The following WASHC3 variants were observed in gnomAD, a reference collection of about 807,000 sequenced individuals.
The protein encoded by WASHC3 is WASH complex subunit 3.
A neutral mutation model predicts 26.1 loss-of-function variants in WASHC3; 24 were observed. The observed-to-expected ratio is 0.92, with a 90% CI of 0.66 to 1.29. WASHC3 has a LOEUF of 1.29. Among genes scored for constraint, WASHC3 ranks in the 50% most tolerant of loss-of-function variants. The pLI is 0.00. For synonymous variants in WASHC3, 77 were observed against 75.7 expected, an observed-to-expected ratio of 1.02 and a Z score of -0.09; for missense variants, 214 against 229.6, an observed-to-expected ratio of 0.93 and a Z score of 0.44.
At chr12:102,043,402 G>A (rs1341355278) in intron 4 of WASHC3, among the ~76,000 whole-genome samples, 4 of 151,986 alleles carry the variant, frequency 2.6e-5, no homozygotes, top group Admixed American at 6.6e-5. Flanking sequence ...CCCGAGTAGT[G>A]AGACCACAGG....
chr12:102,030,505 C>T (rs1877391395), intron 5 of WASHC3, among the ~76,000 whole-genome samples: 1 of 151,832 alleles, frequency 6.6e-6, no homozygotes, highest in Non-Finnish European at 1.5e-5. Context: ...TTTTTAATCA[C>T]TGTAAAATGA....
At chr12:102,016,465 A>G (rs1001633101) in intron 6 of WASHC3, among the ~76,000 whole-genome samples, 6 of 152,152 alleles carry the variant, frequency 3.9e-5, no homozygotes, top group African/African-American at 1.4e-4. Flanking sequence ...TCAGCCTCCT[A>G]AAGTGTTGGG....
At chr12:102,054,192 T>C (rs1187596605) in intron 2 of WASHC3, among the ~76,000 whole-genome samples, 2 of 152,068 alleles carry the variant, frequency 1.3e-5, no homozygotes, top group Admixed American at 6.6e-5. Context: ...ATAAAGCAAC[T>C]AGAAAACAAT....
chr12:102,015,617 G>A (rs1876666546), intron 6 of WASHC3, among the ~76,000 whole-genome samples: 1 of 152,178 alleles, frequency 6.6e-6, no homozygotes, highest in African/African-American at 2.4e-5. Flanking sequence ...TTATTATGAT[G>A]ATTTATTTTC....
In WASHC3 at chr12:102,050,453, A is replaced by AACACACACAC. The variant is rs58251617; in HGVS notation, c.151-4344_151-4335dup. On this transcript the variant is annotated intron_variant, in intron 2 of 6. Transcript: ENST00000240079. ...GATAATGTAGTAAGATGCCATCTCT[A>AACACACACAC]ACACACACACACACACACACACACA... is the stretch of plus-strand genomic sequence containing the variant. The AACACACACAC allele has an allele frequency of 5.2e-3, 1,733 of 333,888 alleles. 8 individuals are homozygous for AACACACACAC. Among genetic ancestry groups the AACACACACAC allele is most frequent in the African/African-American group, 0.021 (890 of 41,768 alleles). The allele number at this position is 333,888 out of a possible 1,614,324, so 20.7% of individuals were successfully genotyped here.
At chr12:102,041,548 A>G (rs1565817444) in intron 4 of WASHC3, among the ~76,000 whole-genome samples, 1 of 152,082 alleles carries the variant, frequency 6.6e-6, no homozygotes, top group Non-Finnish European at 1.5e-5. Context: ...TCATGTATAG[A>G]TTAGAGAGAG....
chr12:102,024,300 A>G (rs1042562587), intron 6 of WASHC3, among the ~76,000 whole-genome samples: 1 of 152,204 alleles, frequency 6.6e-6, no homozygotes, highest in Non-Finnish European at 1.5e-5. Context: ...TGAAGTATGA[A>G]GAGATCCACT....
At chr12:102,060,525 T>C (rs1878761664) in intron 2 of WASHC3, among the ~76,000 whole-genome samples, 1 of 152,222 alleles carries the variant, frequency 6.6e-6, no homozygotes, top group Admixed American at 6.5e-5. Flanking sequence ...TATAATCATA[T>C]TTGATGCCAA....
At chr12:102,048,447 C>T (rs1360122953) in intron 2 of WASHC3, 1 of 152,166 alleles carries the variant, frequency 6.6e-6, no homozygotes, top group Non-Finnish European at 1.5e-5. Flanking sequence ...CGTCTGCAGT[C>T]CCAGCTACTC....
intron 6 of WASHC3, among the ~76,000 whole-genome samples, chr12:102,023,674 G>A (rs1412797122): frequency 1.3e-5 from 2 of 152,180 alleles, no homozygotes; most frequent in East Asian, 3.9e-4. Context: ...AAACTGGGTT[G>A]CTAGTAGTGG....
chr12:102,055,581 G>T (rs1594372664), intron 2 of WASHC3, among the ~76,000 whole-genome samples: 2 of 152,180 alleles, frequency 1.3e-5, no homozygotes, highest in East Asian at 3.9e-4. Context: ...CTTAGCCTCA[G>T]GTGATCTGCC....
chr12:102,023,504 C>T (rs1054217728), intron 6 of WASHC3, among the ~76,000 whole-genome samples: 1 of 152,214 alleles, frequency 6.6e-6, no homozygotes, highest in African/African-American at 2.4e-5. Flanking sequence ...AAAGTGTACT[C>T]TTCCCTTGGA....
At chr12:102,056,840 A>T (rs1878611583) in intron 2 of WASHC3, among the ~76,000 whole-genome samples, 1 of 152,182 alleles carries the variant, frequency 6.6e-6, no homozygotes, top group African/African-American at 2.4e-5. Flanking sequence ...CAAACATTTA[A>T]AGAAGAACTA....
intron 2 of WASHC3, among the ~76,000 whole-genome samples, chr12:102,060,956 CAAAAAAAA>C (rs56001519): frequency 2.2e-4 from 12 of 55,626 alleles, no homozygotes; most frequent in Non-Finnish European, 2.4e-4. Flanking sequence ...CCCTGTCTCA[CAAAAAAAA>C]AAAAAAAAAA....
intron 5 of WASHC3, among the ~76,000 whole-genome samples, chr12:102,031,235 T>C (rs139981928): frequency 5.3e-5 from 8 of 152,354 alleles, no homozygotes; most frequent in African/African-American, 1.7e-4. Flanking sequence ...GTCCTCTGTA[T>C]ACTGGGGCCA....
chr12:102,028,766 T>C lies in WASHC3; in HGVS notation c.436-2728A>G, dbSNP rs73382842. ...TTGATTATAAGAATAATAAGAATTATAAGAATAATAAGAATTATATAATAA... is the reference window on the plus strand; with the variant it reads ...TTGATTATAAGAATAATAAGAATTACAAGAATAATAAGAATTATATAATAA... On this transcript the variant is annotated intron_variant, in intron 5 of 6. Transcript: ENST00000240079. 3.2e-3 allele frequency among the ~76,000 whole-genome samples: 484 copies of C among 150,000 alleles called. 2 individuals are homozygous for C. Among genetic ancestry groups the C allele is most frequent in the African/African-American group, 0.011 (451 of 41,062 alleles).
In WASHC3 at chr12:102,026,028, A is replaced by G; in HGVS notation, c.446T>C (p.Val149Ala). 6.5e-7 allele frequency: 1 copy of G among 1,543,188 alleles called. No individual in the cohort carries two copies. The highest frequency in any genetic ancestry group is 2.3e-5 in the East Asian group (1 of 42,820). Reference protein sequence around the residue: ...YLKMVQVGVPVMAIRNKMISE... With the variant: ...YLKMVQVGVPAMAIRNKMISE... ...TATCATTTTGTTTCTTATTGCCATC[A>G]CTGGTACACCCTAAGCAAAGGATAT... Residue 149 changes from valine (V) to alanine (A), a missense_variant, in exon 6 of 7, where the codon GTG (valine) becomes GCG (alanine). Transcript: ENST00000240079.
intron 4 of WASHC3, among the ~76,000 whole-genome samples, chr12:102,040,781 A>C (rs753696430): frequency 6.6e-6 from 1 of 152,118 alleles, no homozygotes; most frequent in South Asian, 2.1e-4. Flanking sequence ...GCCTGTATAC[A>C]GTACTTGATT....
At chr12:102,027,851 T>G (rs1685430873) in intron 5 of WASHC3, among the ~76,000 whole-genome samples, 1 of 152,160 alleles carries the variant, frequency 6.6e-6, no homozygotes, top group Non-Finnish European at 1.5e-5. Flanking sequence ...TCTTATAAAT[T>G]AGTAAAATTT....
Sources: gnomAD v4.1 joint callset for allele counts (sites outside exome capture counted in the v4.1 genomes callset) on GRCh38, gnomAD v4.1.1 for gene constraint, MANE v1.5 for transcripts, NCBI Gene and HGNC (gene_info 2026-07-23, HGNC 2026-07-21) for gene names.